CFAP299: variants seen among roughly 807,000 people sequenced by gnomAD.
CFAP299 encodes the protein cilia- and flagella-associated protein 299.
Under a neutral mutation model 27.0 loss-of-function variants are expected in CFAP299, and 21 were observed. The observed-to-expected ratio is 0.78, with a 90% CI of 0.55 to 1.12. The LOEUF is 1.12. CFAP299 is among the 50% of genes most tolerant of loss of function. The pLI is 0.00. For missense variants in CFAP299, 310 were observed against 276.6 expected, an observed-to-expected ratio of 1.12 and a Z score of -0.86; for synonymous variants, 104 against 98.1, an observed-to-expected ratio of 1.06 and a Z score of -0.36.
chr4:80,409,170 A>G (rs1031589043), intron 2 of CFAP299, among the ~76,000 whole-genome samples: 1 of 152,146 alleles, frequency 6.6e-6, no homozygotes, highest in African/African-American at 2.4e-5. Context: ...GAAGGTAAAC[A>G]GAGAAAGAAA....
In CFAP299 at chr4:80,955,035, C is replaced by CAAAA. The variant is rs1491227739; in HGVS notation, c.607-8482_607-8481insAAAA. Among the ~76,000 whole-genome samples, 27 of 18,546 alleles carry CAAAA rather than the reference C, an allele frequency of 1.5e-3. 9 individuals are homozygous for CAAAA. The highest frequency in any genetic ancestry group is 1.8e-3 in the Admixed American group (2 of 1,140). 12.2% of individuals were successfully genotyped at this position (18,546 alleles called of 152,430 possible). A position where few individuals can be genotyped will look rare whatever the true frequency, so the allele number is the denominator to read the frequency against. On this transcript the variant is annotated intron_variant, in intron 5 of 5. Transcript: ENST00000358105. The stretch of plus-strand genomic sequence containing the variant: ...AAAAAAAAAAAAAAAAAAAAAAAAA[C>CAAAA]GCACACATGGCCATATACAGAGTAG...
intron 3 of CFAP299, among the ~76,000 whole-genome samples, chr4:80,694,790 G>A (rs190955078): frequency 1.3e-5 from 2 of 152,162 alleles, no homozygotes. Context: ...GAAATTGCTA[G>A]TTTGTTTTTG....
chr4:80,874,774 T>G (rs1733283584), intron 4 of CFAP299, among the ~76,000 whole-genome samples: 1 of 152,164 alleles, frequency 6.6e-6, no homozygotes, highest in African/African-American at 2.4e-5. Flanking sequence ...TATTAAATTT[T>G]GAGAAGCATG....
At chr4:80,574,883 G>A (rs940234195) in intron 2 of CFAP299, among the ~76,000 whole-genome samples, 6 of 152,096 alleles carry the variant, frequency 3.9e-5, no homozygotes, top group African/African-American at 1.2e-4. Context: ...GGGGATTTTT[G>A]CATCAATGTT....
intron 3 of CFAP299, among the ~76,000 whole-genome samples, chr4:80,865,007 G>C (rs1164849348): frequency 1.3e-5 from 2 of 152,146 alleles, no homozygotes; most frequent in African/African-American, 4.8e-5. Context: ...CCATCATGCA[G>C]TAGATAAGAA....
intron 2 of CFAP299, among the ~76,000 whole-genome samples, chr4:80,463,949 C>G (rs1729582984): frequency 6.6e-6 from 1 of 152,168 alleles, no homozygotes. Context: ...CCACAAAAGT[C>G]TGCAACATTT....
intron 4 of CFAP299, among the ~76,000 whole-genome samples, chr4:80,888,666 C>G (rs1334709011): frequency 6.6e-6 from 1 of 151,962 alleles, no homozygotes; most frequent in East Asian, 1.9e-4. Context: ...CTGAAGAATA[C>G]ACATTCTTCT....
intron 3 of CFAP299, among the ~76,000 whole-genome samples, chr4:80,613,997 T>C (rs1299701426): frequency 2.6e-5 from 4 of 152,218 alleles, no homozygotes; most frequent in Non-Finnish European, 5.9e-5. Flanking sequence ...GTTTATTTAA[T>C]GTATTATTAT....
intron 5 of CFAP299, among the ~76,000 whole-genome samples, chr4:80,953,738 A>G (rs1217750447): frequency 1.3e-5 from 2 of 152,186 alleles, no homozygotes; most frequent in African/African-American, 4.8e-5. Context: ...AAAAAAATAC[A>G]TATATATTTT....
chr4:80,404,231 T>A (rs1177827848), intron 2 of CFAP299, among the ~76,000 whole-genome samples: 5 of 151,970 alleles, frequency 3.3e-5, no homozygotes, highest in African/African-American at 1.2e-4. Context: ...ATCATATATA[T>A]ATATACACAC....
intron 3 of CFAP299, among the ~76,000 whole-genome samples, chr4:80,713,298 C>T (rs1352662243): frequency 6.6e-6 from 1 of 152,162 alleles, no homozygotes; most frequent in Middle Eastern, 3.2e-3. Flanking sequence ...TAGGAGGCCA[C>T]TGAAGAGCTG....
intron 3 of CFAP299, among the ~76,000 whole-genome samples, chr4:80,847,061 A>C (rs1052628770): frequency 7.2e-5 from 11 of 152,168 alleles, no homozygotes; most frequent in African/African-American, 2.7e-4. Flanking sequence ...CTGAAAACAG[A>C]ACCTAGTTTC....
intron 2 of CFAP299, among the ~76,000 whole-genome samples, chr4:80,379,633 A>G (rs1298469171): frequency 1.3e-5 from 2 of 152,030 alleles, no homozygotes; most frequent in South Asian, 2.1e-4. Context: ...CACTCAATTC[A>G]AAGGCTTTAT....
chr4:80,396,259 C>A (rs1462032437), intron 2 of CFAP299, among the ~76,000 whole-genome samples: 1 of 152,112 alleles, frequency 6.6e-6, no homozygotes, highest in Non-Finnish European at 1.5e-5. Context: ...TAGAGATGTT[C>A]ATTTCCAGCA....
At chr4:80,368,832 A>T (rs1354842324) in intron 2 of CFAP299, among the ~76,000 whole-genome samples, 1 of 152,192 alleles carries the variant, frequency 6.6e-6, no homozygotes, top group African/African-American at 2.4e-5. Flanking sequence ...TCATATTTTT[A>T]AATAGTTATT....
At chr4:80,939,795 C>T (rs1421666963) in intron 4 of CFAP299, among the ~76,000 whole-genome samples, 2 of 152,130 alleles carry the variant, frequency 1.3e-5, no homozygotes, top group Non-Finnish European at 2.9e-5. Context: ...AAGACCTTCA[C>T]AAGTCAGCTT....
chr4:80,380,421 CA>C (rs1156622473), intron 2 of CFAP299, among the ~76,000 whole-genome samples: 4 of 109,068 alleles, frequency 3.7e-5, no homozygotes, highest in Non-Finnish European at 5.6e-5. Context: ...TTGTGTCTCA[CA>C]TTTTTTTTTT....
chr4:80,963,030 A>G (rs1200245075), intron 5 of CFAP299, among the ~76,000 whole-genome samples: 1 of 152,082 alleles, frequency 6.6e-6, no homozygotes, highest in Non-Finnish European at 1.5e-5. Context: ...AAGAAAAAAA[A>G]AGCAGATCAA....
At chr4:80,669,981 A>AT (rs1741383993) in intron 3 of CFAP299, among the ~76,000 whole-genome samples, 2 of 150,312 alleles carry the variant, frequency 1.3e-5, no homozygotes, top group African/African-American at 4.9e-5. Flanking sequence ...AATTTTATGG[A>AT]ATTTTTTTTC....
Sources: allele counts gnomAD v4.1 joint callset (sites outside exome capture counted in the v4.1 genomes callset), GRCh38; gene constraint gnomAD v4.1.1; transcripts MANE v1.5; gene names NCBI Gene and HGNC (gene_info 2026-07-23, HGNC 2026-07-21).